Variants in ERBB4 observed in about 807,000 individuals in gnomAD.
The protein encoded by ERBB4 is erb-b2 receptor tyrosine kinase 4.
In ERBB4, 42 loss-of-function variants were observed where a neutral mutation model predicts 158.0. The observed-to-expected ratio is 0.27, with a 90% CI of 0.21 to 0.34. The LOEUF (loss-of-function observed/expected upper bound fraction) is 0.34, where lower values mean the gene tolerates loss of function less well. ERBB4 is among the 10% of genes least tolerant of loss of function. ERBB4 has a pLI of 1.00. For missense variants in ERBB4, 1,333 were observed against 1,624.1 expected (o/e 0.82, Z 3.08); for synonymous variants, 583 against 558.7 (o/e 1.04, Z -0.61).
chr2:212,015,105 TATATATAAA>T (rs1559321224), intron 2 of ERBB4, among the ~76,000 whole-genome samples: 11 of 82,632 alleles, frequency 1.3e-4, no homozygotes, highest in Non-Finnish European at 2.3e-4. Context: ...TATATATATA[TATATATAAA>T]AATTAGCCGG....
chr2:212,266,677 G>A (rs144090995), intron 1 of ERBB4, among the ~76,000 whole-genome samples: 1,522 of 151,856 alleles, frequency 0.01, 22 homozygotes, highest in African/African-American at 0.035. Flanking sequence ...TTGGTGACAG[G>A]ATTATTATTA....
chr2:211,614,404 T>C (rs1158188450), intron 19 of ERBB4, among the ~76,000 whole-genome samples: 5 of 152,060 alleles, frequency 3.3e-5, no homozygotes, highest in African/African-American at 1.2e-4. Context: ...AATTTTAAGA[T>C]GACTTAATGA....
chr2:211,929,388 TA>T (rs2080111148), intron 3 of ERBB4, among the ~76,000 whole-genome samples: 1 of 151,874 alleles, frequency 6.6e-6, no homozygotes, highest in African/African-American at 2.4e-5. Context: ...ACATAAAAAA[TA>T]AAAAGTAATC....
chr2:211,583,356 A>T (rs902896224), intron 19 of ERBB4, among the ~76,000 whole-genome samples: 4 of 151,962 alleles, frequency 2.6e-5, no homozygotes, highest in African/African-American at 9.6e-5. Flanking sequence ...AAATAGTACC[A>T]CTGGGTGGTA....
intron 19 of ERBB4, among the ~76,000 whole-genome samples, chr2:211,597,158 T>A (rs1370143324): frequency 6.6e-6 from 1 of 152,128 alleles, no homozygotes; most frequent in Non-Finnish European, 1.5e-5. Context: ...AATATCCAAA[T>A]GGTCTATAGA....
chr2:211,617,633 T>C (rs2069440965), intron 19 of ERBB4, among the ~76,000 whole-genome samples: 1 of 152,118 alleles, frequency 6.6e-6, no homozygotes, highest in South Asian at 2.1e-4. Flanking sequence ...CAACCTACTA[T>C]ATGAGAACCA....
intron 21 of ERBB4, among the ~76,000 whole-genome samples, chr2:211,429,025 TAA>T (rs58311450): frequency 7.9e-5 from 12 of 151,674 alleles, no homozygotes; most frequent in African/African-American, 2.2e-4. Context: ...CTTATTTTTT[TAA>T]AAAAAAAGCT....
rs113920471 is a variant in ERBB4, at chr2:211,657,502, C to T, written c.1946+252G>A. The T allele has an allele frequency of 0.012, 5,196 of 430,372 alleles. 224 individuals carry two copies. The highest frequency in any genetic ancestry group is 0.099 in the African/African-American group (4,675 of 47,350). The allele number at this position is 430,372 out of a possible 1,614,324, so 26.7% of individuals were successfully genotyped here. On this transcript the variant is annotated intron_variant, in intron 16 of 27. Coordinates refer to ENST00000342788, the MANE Select transcript of ERBB4 (RefSeq NM_005235.3). ...CCAGCCTGGGCAACAGAGTGAGACTCGGTCTCCAAAAAAAAAAAAAAGAAA... is the reference window on the plus strand; with the variant it reads ...CCAGCCTGGGCAACAGAGTGAGACTTGGTCTCCAAAAAAAAAAAAAAGAAA...
intron 19 of ERBB4, among the ~76,000 whole-genome samples, chr2:211,563,490 T>C (rs1328125379): frequency 6.6e-6 from 1 of 152,196 alleles, no homozygotes; most frequent in African/African-American, 2.4e-5. Flanking sequence ...GTAAAAGAAG[T>C]GTATGATGTT....
At chr2:212,435,842 A>T (rs1227063146) in intron 1 of ERBB4, among the ~76,000 whole-genome samples, 1 of 152,052 alleles carries the variant, frequency 6.6e-6, no homozygotes, top group East Asian at 1.9e-4. Flanking sequence ...AGCTTTTAAA[A>T]ATTATATTTT....
intron 3 of ERBB4, among the ~76,000 whole-genome samples, chr2:211,920,947 T>G (rs1373179324): frequency 6.7e-6 from 1 of 150,122 alleles, no homozygotes; most frequent in Non-Finnish European, 1.5e-5. Context: ...TACTGGAATG[T>G]TTTATATTTG....
At chr2:211,610,762 A>T (rs145450723) in intron 19 of ERBB4, among the ~76,000 whole-genome samples, 1 of 152,296 alleles carries the variant, frequency 6.6e-6, no homozygotes, top group East Asian at 1.9e-4. Context: ...TCAACAGACA[A>T]CTGATTTCCA....
At chr2:212,330,027 C>T (rs988415548) in intron 1 of ERBB4, among the ~76,000 whole-genome samples, 1 of 151,934 alleles carries the variant, frequency 6.6e-6, no homozygotes, top group Non-Finnish European at 1.5e-5. Flanking sequence ...TTCCAAAAAG[C>T]GAGTTAGATG....
At chr2:211,801,249 A>T (rs1002608293) in intron 3 of ERBB4, among the ~76,000 whole-genome samples, 9 of 152,188 alleles carry the variant, frequency 5.9e-5, no homozygotes, top group Admixed American at 5.9e-4. Context: ...GATGGGGAAA[A>T]AAAGGGAATC....
chr2:212,082,425 A>G (rs2078474668), intron 2 of ERBB4, among the ~76,000 whole-genome samples: 1 of 152,082 alleles, frequency 6.6e-6, no homozygotes, highest in African/African-American at 2.4e-5. Context: ...TTCTGAGCAA[A>G]GAAATTGGGA....
intron 1 of ERBB4, among the ~76,000 whole-genome samples, chr2:212,403,665 A>C (rs1048797528): frequency 3.3e-5 from 5 of 152,062 alleles, no homozygotes; most frequent in African/African-American, 7.2e-5. Context: ...AATTTATATG[A>C]GATACTAAAG....
At chr2:212,300,630 G>A (rs12466635) in intron 1 of ERBB4, among the ~76,000 whole-genome samples, 110,847 of 151,188 alleles carry the variant, frequency 0.73, 45,254 homozygotes, top group Non-Finnish European at 0.9. Flanking sequence ...GTGGGGTGAC[G>A]GGAACCACTT....
At chr2:212,313,852 C>G (rs911035797) in intron 1 of ERBB4, among the ~76,000 whole-genome samples, 5 of 151,052 alleles carry the variant, frequency 3.3e-5, no homozygotes, top group Admixed American at 6.6e-5. Flanking sequence ...AACTACTGTT[C>G]AATCTCCTGA....
chr2:211,964,644 C>G (rs930491639), intron 2 of ERBB4, among the ~76,000 whole-genome samples: 2 of 152,100 alleles, frequency 1.3e-5, no homozygotes, highest in South Asian at 2.1e-4. Context: ...TCTCTACTAG[C>G]TGACACACAG....
Sources: gnomAD v4.1 joint callset for allele counts (sites outside exome capture counted in the v4.1 genomes callset) on GRCh38, gnomAD v4.1.1 for gene constraint, MANE v1.5 for transcripts, NCBI Gene and HGNC (gene_info 2026-07-23, HGNC 2026-07-21) for gene names.